PDE1C: variants seen among roughly 807,000 people sequenced by gnomAD.
PDE1C encodes the protein phosphodiesterase 1C.
PDE1C carries 62 observed loss-of-function variants against 93.1 expected under a neutral mutation model. The observed-to-expected ratio is 0.67, with a 90% CI of 0.54 to 0.82. PDE1C has a LOEUF of 0.82. PDE1C is among the 40% of genes least tolerant of loss of function. The probability of loss-of-function intolerance (pLI) is 0.00; values close to 1 mark genes in which losing one functional copy is unlikely to be tolerated. For synonymous variants in PDE1C, 325 were observed against 310.1 expected (o/e 1.05, Z -0.50); for missense variants, 742 against 884.6 (o/e 0.84, Z 2.04).
the PDE1C span, among the ~76,000 whole-genome samples, chr7:31,717,884 T>G: frequency 1.3e-4 from 20 of 152,106 alleles, no homozygotes; most frequent in Non-Finnish European, 2.6e-4. Context: ...GGACCTGAAA[T>G]GGACGTCAGA....
At chr7:31,778,440 C>T (rs76655718) in intron 16 of PDE1C, among the ~76,000 whole-genome samples, 13 of 152,240 alleles carry the variant, frequency 8.5e-5, no homozygotes, top group Non-Finnish European at 1.3e-4. Context: ...TTGGGCTGTA[C>T]AATTCTTTGT....
chr7:31,997,858 G>A, intron 2 of PDE1C, among the ~76,000 whole-genome samples: 1 of 152,032 alleles, frequency 6.6e-6, no homozygotes, highest in East Asian at 1.9e-4. Context: ...CGATGAATTG[G>A]GATTCCAAAA....
At chr7:31,633,030 G>A in the PDE1C span, among the ~76,000 whole-genome samples, 7 of 152,036 alleles carry the variant, frequency 4.6e-5, no homozygotes, top group Non-Finnish European at 7.4e-5. Context: ...GGGATTACAG[G>A]TGGGCACCAT....
chr7:31,727,905 G>A, the PDE1C span, among the ~76,000 whole-genome samples: 455 of 152,186 alleles, frequency 3.0e-3, 2 homozygotes, highest in Non-Finnish European at 5.0e-3. Context: ...TTAGCCGGGC[G>A]TGGTGGCATG....
intron 2 of PDE1C, among the ~76,000 whole-genome samples, chr7:32,022,359 G>A (rs1012087065): frequency 2.0e-5 from 3 of 152,080 alleles, no homozygotes. Context: ...GAAATCCGAA[G>A]AGAGGTATGA....
chr7:32,054,293 C>T (rs554863848), intron 1 of PDE1C, among the ~76,000 whole-genome samples: 18 of 152,250 alleles, frequency 1.2e-4, no homozygotes, highest in African/African-American at 4.3e-4. Flanking sequence ...AGACCTGGCT[C>T]AAAACCTAAC....
intron 3 of PDE1C, among the ~76,000 whole-genome samples, chr7:32,086,392 G>A (rs1165572131): frequency 6.6e-6 from 1 of 152,136 alleles, no homozygotes; most frequent in East Asian, 1.9e-4. Context: ...ATGTTCATGG[G>A]TAGGAAGAAT....
At chr7:32,421,240 G>A (rs1187329671) in intron 1 of PDE1C, among the ~76,000 whole-genome samples, 4 of 152,192 alleles carry the variant, frequency 2.6e-5, no homozygotes, top group African/African-American at 9.6e-5. Context: ...CACATGAACT[G>A]CTTTGTGGAT....
chr7:31,643,336 C>T, the PDE1C span: 3 of 1,613,988 alleles, frequency 1.9e-6, no homozygotes, highest in Non-Finnish European at 2.5e-6. Flanking sequence ...TGCAACTGAC[C>T]TTGCTCAAAC....
chr7:32,000,963 C>T (rs557251170), intron 2 of PDE1C, among the ~76,000 whole-genome samples: 122 of 151,970 alleles, frequency 8.0e-4, no homozygotes, highest in Admixed American at 2.8e-3. Context: ...GATCTCTCCA[C>T]GTTTGTATAC....
In PDE1C at chr7:32,324,737, C is replaced by G. The variant is rs528159416; in HGVS notation, c.310+103085G>C. On this transcript the variant is annotated intron_variant, in intron 1 of 1. Coordinates refer to the PDE1C transcript ENST00000672256. ...GCCAAAGTGGAAGGATCACTTGAGTCCAGGAACTAGAGACCAGCCTGGGCT... is the reference window on the plus strand; with the variant it reads ...GCCAAAGTGGAAGGATCACTTGAGTGCAGGAACTAGAGACCAGCCTGGGCT... Among the ~76,000 whole-genome samples, 3 of 152,246 alleles carry G rather than the reference C, an allele frequency of 2.0e-5. No homozygotes were observed. The South Asian group carries it at 6.2e-4, about 32-fold the overall frequency.
At chr7:32,136,832 A>T (rs1185324113) in intron 3 of PDE1C, among the ~76,000 whole-genome samples, 1 of 152,116 alleles carries the variant, frequency 6.6e-6, no homozygotes, top group East Asian at 1.9e-4. Context: ...AATCTAAAAC[A>T]TCTCCCTCCT....
At chr7:31,844,133 A>C (rs1792251393) in intron 9 of PDE1C, among the ~76,000 whole-genome samples, 1 of 151,862 alleles carries the variant, frequency 6.6e-6, no homozygotes, top group Non-Finnish European at 1.5e-5. Context: ...TAAGTGAAGA[A>C]AAATGGTATT....
intron 2 of PDE1C, among the ~76,000 whole-genome samples, chr7:32,041,937 G>T (rs1038143397): frequency 6.6e-6 from 1 of 152,048 alleles, no homozygotes; most frequent in African/African-American, 2.4e-5. Context: ...TTTTGACGTT[G>T]ATTTATTCAG....
chr7:32,143,353 G>A (rs1167701747), intron 3 of PDE1C, among the ~76,000 whole-genome samples: 2 of 150,842 alleles, frequency 1.3e-5, no homozygotes, highest in African/African-American at 4.9e-5. Flanking sequence ...GACTTCTGCA[G>A]TATTCTAGTG....
chr7:31,985,500 G>A (rs1411115615), intron 2 of PDE1C, among the ~76,000 whole-genome samples: 1 of 152,090 alleles, frequency 6.6e-6, no homozygotes, highest in Non-Finnish European at 1.5e-5. Context: ...CTATACATGT[G>A]CCATGTTGGT....
the PDE1C span, among the ~76,000 whole-genome samples, chr7:31,716,153 G>A: frequency 6.6e-6 from 1 of 152,138 alleles, no homozygotes; most frequent in Non-Finnish European, 1.5e-5. Flanking sequence ...GGTGCAAAGT[G>A]GAAGGAGGTG....
chr7:31,989,019 G>T (rs1476524513), intron 2 of PDE1C, among the ~76,000 whole-genome samples: 1 of 80,944 alleles, frequency 1.2e-5, no homozygotes, highest in Non-Finnish European at 2.6e-5. Context: ...AAAAAAAAAA[G>T]AGAGAGAGAG....
chr7:32,177,188 C>T (rs1803055212), intron 2 of PDE1C, among the ~76,000 whole-genome samples: 1 of 152,116 alleles, frequency 6.6e-6, no homozygotes, highest in African/African-American at 2.4e-5. Context: ...AAGGTCTTGA[C>T]CAAGTTTCTT....
Sources: gnomAD v4.1 joint callset for allele counts (sites outside exome capture counted in the v4.1 genomes callset) on GRCh38, gnomAD v4.1.1 for gene constraint, MANE v1.5 for transcripts, NCBI Gene and HGNC (gene_info 2026-07-23, HGNC 2026-07-21) for gene names.